The following ASB18 variants were observed in gnomAD, a reference collection of about 807,000 sequenced individuals.
ASB18 encodes the protein ankyrin repeat and SOCS box containing 18, also known as ankyrin repeat and SOCS box protein 18.
ASB18 carries 33 observed loss-of-function variants against 33.4 expected under a neutral mutation model. That is an observed-to-expected ratio of 0.99 (90% confidence interval 0.75 to 1.32). The LOEUF (loss-of-function observed/expected upper bound fraction) is 1.32, where lower values mean the gene tolerates loss of function less well. Among genes scored for constraint, ASB18 ranks in the 40% most tolerant of loss-of-function variants. The pLI is 0.00. For synonymous variants in ASB18, 295 were observed against 307.6 expected (o/e 0.96, Z 0.43); for missense variants, 694 against 655.5 (o/e 1.06, Z -0.64).
At position 236,217,656 on chromosome 2, in the gene ASB18, C is replaced by T. The variant is rs187204133; in HGVS notation, c.597-2790G>A. Among the ~76,000 whole-genome samples, 2 of 152,276 alleles carry T rather than the reference C, an allele frequency of 1.3e-5. No homozygotes were observed. The highest frequency in any genetic ancestry group is 2.9e-5 in the Non-Finnish European group (2 of 68,020). ...AACAAGATCATCCATTGAGGGTTTC[C>T]CGGCTGCCCTTAAATCCATTTATAT... On this transcript the variant is annotated intron_variant, in intron 3 of 5. Transcript: ENST00000409749. This position sits in a 1 kb window ranked among gnomAD's most constrained non-coding sequence, Gnocchi z 5.2.
chr2:236,250,837 C>T lies in ASB18; in HGVS notation c.206-9435G>A, dbSNP rs2060665483. On this transcript the variant is annotated intron_variant, in intron 1 of 5. Coordinates refer to ENST00000409749, the MANE Select transcript of ASB18 (RefSeq NM_212556.4). The surrounding 1 kb of genome is among the most constrained non-coding windows in gnomAD (Gnocchi z 4.1). ...GACACATCCATCCACCAGAGTTAGT[C>T]ACATAGACATTAATATCAAAAATGT... 6.6e-6 allele frequency: 1 copy of T among 152,206 alleles called. No homozygotes were observed. The highest frequency in any genetic ancestry group is 1.5e-5 in the Non-Finnish European group (1 of 68,048). 9.4% of individuals were successfully genotyped at this position (152,206 alleles called of 1,614,324 possible). A position where few individuals can be genotyped will look rare whatever the true frequency, so the allele number is the denominator to read the frequency against.
At position 236,211,044 on chromosome 2, in the gene ASB18, G is replaced by C. The variant is rs1441906182; in HGVS notation, c.1101+3318C>G. 6.6e-6 allele frequency among the ~76,000 whole-genome samples: 1 copy of C among 152,216 alleles called. No individual in the cohort carries two copies. The highest frequency in any genetic ancestry group is 1.5e-5 in the Non-Finnish European group (1 of 68,030). On this transcript the variant is annotated intron_variant, in intron 4 of 5. Transcript: ENST00000409749. This position sits in a 1 kb window ranked among gnomAD's most constrained non-coding sequence, Gnocchi z 5.0. ...TTCACAGATTCGTATTCCAGGTAAG[G>C]AGAGGCTGAAGGAGAGAGACCCCTG...
At position 236,211,399 on chromosome 2, in the gene ASB18, A is replaced by C. The variant is rs2060457926; in HGVS notation, c.1101+2963T>G. 6.6e-6 allele frequency among the ~76,000 whole-genome samples: 1 copy of C among 152,260 alleles called. No homozygotes were observed. The highest frequency in any genetic ancestry group is 2.1e-4 in the South Asian group (1 of 4,834). On this transcript the variant is annotated intron_variant, in intron 4 of 5. Coordinates refer to ENST00000409749, the MANE Select transcript of ASB18 (RefSeq NM_212556.4). The surrounding 1 kb of genome is among the most constrained non-coding windows in gnomAD (Gnocchi z 5.0). ...CTGCAGAGCACTGCGCCGGCTCGGAAGGATGCCCTGTGTCCGCCTGCCGCG... is the reference window on the plus strand; with the variant it reads ...CTGCAGAGCACTGCGCCGGCTCGGACGGATGCCCTGTGTCCGCCTGCCGCG...
chr2:236,209,222 T>G lies in ASB18; in HGVS notation c.1101+5140A>C, dbSNP rs2060447844. ...AGGTCTCCATTTTCAGTATGGTTAGTGCCCAGAAGCTGAGACAAGACCAGA... is the reference window on the plus strand; with the variant it reads ...AGGTCTCCATTTTCAGTATGGTTAGGGCCCAGAAGCTGAGACAAGACCAGA... On this transcript the variant is annotated intron_variant, in intron 4 of 5. Transcript: ENST00000409749. The surrounding 1 kb of genome is among the most constrained non-coding windows in gnomAD (Gnocchi z 4.4). 6.6e-6 allele frequency among the ~76,000 whole-genome samples: 1 copy of G among 151,718 alleles called. No individual in the cohort carries two copies. The highest frequency in any genetic ancestry group is 2.4e-5 in the African/African-American group (1 of 41,298).
Position 236,226,921 on chromosome 2 carries a change from A to G in ASB18, c.596+10768T>C, listed in dbSNP as rs751873031. Among the ~76,000 whole-genome samples, 11 of 152,218 alleles carry G rather than the reference A, an allele frequency of 7.2e-5. No homozygotes were observed. Among genetic ancestry groups the G allele is most frequent in the Non-Finnish European group, 1.2e-4 (8 of 68,036 alleles). Reference sequence around the variant, plus strand: ...GAATACGCTTCACCCAGCTTCCCCTAAAGTTAATATCTAATATTATTATGG... The same window carrying G: ...GAATACGCTTCACCCAGCTTCCCCTGAAGTTAATATCTAATATTATTATGG... On this transcript the variant is annotated intron_variant, in intron 3 of 5. Coordinates refer to ENST00000409749, the MANE Select transcript of ASB18 (RefSeq NM_212556.4). This position sits in a 1 kb window ranked among gnomAD's most constrained non-coding sequence, Gnocchi z 4.8.
intron 3 of ASB18, among the ~76,000 whole-genome samples, chr2:236,236,967 G>A (rs1156911655): frequency 6.6e-6 from 1 of 152,140 alleles, no homozygotes; most frequent in Non-Finnish European, 1.5e-5. Flanking sequence ...AAGACAGGTG[G>A]CCCCGCTGCC....
In ASB18 at chr2:236,241,407, G is replaced by A. The variant is rs980857244; in HGVS notation, c.206-5C>T. On this transcript the variant is annotated splice_polypyrimidine_tract_variant and splice_region_variant and intron_variant, in intron 1 of 5. Coordinates refer to ENST00000409749, the MANE Select transcript of ASB18 (RefSeq NM_212556.4). The surrounding 1 kb of genome is among the most constrained non-coding windows in gnomAD (Gnocchi z 4.2). ...GCTTCAGATGGTCGAGGTCCCCTGC[G>A]ACCAGGGCAGTGTGGTACTCCTGCA... The A allele has an allele frequency of 4.3e-6, 7 of 1,613,814 alleles. No homozygotes were observed. In the African/African-American group the frequency reaches 6.7e-5, roughly 15 times the overall value.
chr2:236,241,227 A>C lies in ASB18; in HGVS notation c.328+53T>G. On this transcript the variant is annotated intron_variant, in intron 2 of 5. Transcript: ENST00000409749. The surrounding 1 kb of genome is among the most constrained non-coding windows in gnomAD (Gnocchi z 4.2). ...ACACGGGAGCCTTACACTCCCAGAG[A>C]GTATTAGTAGCCCCTTAAAAATAAA... 6.3e-7 allele frequency: 1 copy of C among 1,584,898 alleles called. No homozygotes were observed. The highest frequency in any genetic ancestry group is 8.6e-7 in the Non-Finnish European group (1 of 1,156,540).
Position 236,214,499 on chromosome 2 carries a change from G to C in ASB18, c.964C>G (p.Leu322Val). 6.7e-7 allele frequency: 1 copy of C among 1,497,096 alleles called. No homozygotes were observed. The highest frequency in any genetic ancestry group is 8.8e-7 in the Non-Finnish European group (1 of 1,132,442). The allele number at this position is 1,497,096 out of a possible 1,614,324, so 92.7% of individuals were successfully genotyped here. ...LLRHGADAGALDYGGASPLGR... is the reference protein window; with the variant it reads ...LLRHGADAGAVDYGGASPLGR... ...AGCGGCGAGGCCCCGCCATAGTCGAGCGCGCCCGCGTCGGCGCCGTGCCGC... is the reference window on the plus strand; with the variant it reads ...AGCGGCGAGGCCCCGCCATAGTCGACCGCGCCCGCGTCGGCGCCGTGCCGC... The change falls in exon 4 of 6, where the codon CTC becomes GTC. Residue 322 changes from leucine (L) to valine (V), a missense_variant. Transcript: ENST00000409749. This position sits in a 1 kb window ranked among gnomAD's most constrained non-coding sequence, Gnocchi z 6.5.
chr2:236,198,666 C>T (rs1476041605), intron 4 of ASB18, among the ~76,000 whole-genome samples: 2 of 152,102 alleles, frequency 1.3e-5, no homozygotes, highest in Non-Finnish European at 2.9e-5. Flanking sequence ...GTGCCCAGCC[C>T]AATATGGACT....
Position 236,210,184 on chromosome 2 carries a change from G to A in ASB18, c.1101+4178C>T, listed in dbSNP as rs373921485. On this transcript the variant is annotated intron_variant, in intron 4 of 5. Coordinates refer to ENST00000409749, the MANE Select transcript of ASB18 (RefSeq NM_212556.4). Reference sequence around the variant, plus strand: ...GCTCCTGCTCCTCACTGTGACTCCAGTACCAAGCACCCAAGTTCCCCCAAA... The same window carrying A: ...GCTCCTGCTCCTCACTGTGACTCCAATACCAAGCACCCAAGTTCCCCCAAA... 3.9e-5 allele frequency among the ~76,000 whole-genome samples: 6 copies of A among 152,296 alleles called. No individual in the cohort carries two copies. The East Asian group carries it at 5.8e-4, about 15-fold the overall frequency.
intron 4 of ASB18, among the ~76,000 whole-genome samples, chr2:236,197,455 C>T (rs891166035): frequency 1.3e-5 from 2 of 152,196 alleles, no homozygotes; most frequent in Non-Finnish European, 2.9e-5. Context: ...CACTGTGGGG[C>T]TTTTGCTGAT....
In ASB18 at chr2:236,259,358, C is replaced by A. The variant is rs190544757; in HGVS notation, c.205+4783G>T. On this transcript the variant is annotated intron_variant, in intron 1 of 5. Transcript: ENST00000409749. The surrounding 1 kb of genome is among the most constrained non-coding windows in gnomAD (Gnocchi z 4.4). ...CAGGGTTAATACCCTGTGCTAGGCT[C>A]TGGATATAATCGAGTGTTAGGCGAG... 1.4e-3 allele frequency: 515 copies of A among 371,908 alleles called. 1 individual carries two copies. The highest frequency in any genetic ancestry group is 4.7e-3 in the Admixed American group (156 of 33,336). 23.0% of individuals were successfully genotyped at this position (371,908 alleles called of 1,614,324 possible).
At chr2:236,261,395 C>T (rs920551434) in intron 1 of ASB18, among the ~76,000 whole-genome samples, 1 of 152,158 alleles carries the variant, frequency 6.6e-6, no homozygotes, top group African/African-American at 2.4e-5. Flanking sequence ...CCTTTCTCTG[C>T]CTCCTTCAAA....
In ASB18 at chr2:236,208,882, G is replaced by GCA. The variant is rs1450845137; in HGVS notation, c.1101+5478_1101+5479dup. 6.6e-6 allele frequency among the ~76,000 whole-genome samples: 1 copy of GCA among 152,108 alleles called. No homozygotes were observed. The highest frequency in any genetic ancestry group is 2.4e-5 in the African/African-American group (1 of 41,402). On this transcript the variant is annotated intron_variant, in intron 4 of 5. Coordinates refer to ENST00000409749, the MANE Select transcript of ASB18 (RefSeq NM_212556.4). The surrounding 1 kb of genome is among the most constrained non-coding windows in gnomAD (Gnocchi z 7.7). The stretch of plus-strand genomic sequence containing the variant: ...ACATGCTGATGTCATTAGTGTCCAC[G>GCA]CACACCACACTCTCTTCAGCTAATG...
At position 236,238,040 on chromosome 2, in the gene ASB18, G is replaced by A. The variant is rs898354034; in HGVS notation, c.329-84C>T. ...CGGTGTTCCTTAAGGCGGAAAGAAAGTGAAGCCGTCTCTTAAAGGTAGGTA... is the reference window on the plus strand; with the variant it reads ...CGGTGTTCCTTAAGGCGGAAAGAAAATGAAGCCGTCTCTTAAAGGTAGGTA... On this transcript the variant is annotated intron_variant, in intron 2 of 5. Transcript: ENST00000409749. This position sits in a 1 kb window ranked among gnomAD's most constrained non-coding sequence, Gnocchi z 5.2. The A allele has an allele frequency of 8.2e-7, 1 of 1,226,026 alleles. No individual in the cohort carries two copies. Among genetic ancestry groups the A allele is most frequent in the South Asian group, 1.8e-5 (1 of 55,028 alleles). The allele number at this position is 1,226,026 out of a possible 1,614,324, so 75.9% of individuals were successfully genotyped here. A position where few individuals can be genotyped will look rare whatever the true frequency, so the allele number is the denominator to read the frequency against.
At position 236,213,816 on chromosome 2, in the gene ASB18, T is replaced by C. The variant is rs2060469588; in HGVS notation, c.1101+546A>G. On this transcript the variant is annotated intron_variant, in intron 4 of 5. Coordinates refer to ENST00000409749, the MANE Select transcript of ASB18 (RefSeq NM_212556.4). This position sits in a 1 kb window ranked among gnomAD's most constrained non-coding sequence, Gnocchi z 4.8. ...AGGTAGAGGGAGAATATCACCTGCCTCTCGTGTTTCACTGCAATGTGGTGA... is the reference window on the plus strand; with the variant it reads ...AGGTAGAGGGAGAATATCACCTGCCCCTCGTGTTTCACTGCAATGTGGTGA... 6.5e-6 allele frequency: 1 copy of C among 154,842 alleles called. No individual in the cohort carries two copies. Among genetic ancestry groups the C allele is most frequent in the Admixed American group, 6.3e-5 (1 of 15,850 alleles). 9.6% of individuals were successfully genotyped at this position (154,842 alleles called of 1,614,324 possible).
rs2060612913 is a variant in ASB18 at position 236,239,777 on chromosome 2, T to C, written c.328+1503A>G. 6.6e-6 allele frequency among the ~76,000 whole-genome samples: 1 copy of C among 152,180 alleles called. No individual in the cohort carries two copies. The highest frequency in any genetic ancestry group is 1.5e-5 in the Non-Finnish European group (1 of 68,028). ...AATTGGCCACCGGGAAGTCTTTTCATGGGAGAGCACATGGGGCCACTGCTT... is the reference window on the plus strand; with the variant it reads ...AATTGGCCACCGGGAAGTCTTTTCACGGGAGAGCACATGGGGCCACTGCTT... On this transcript the variant is annotated intron_variant, in intron 2 of 5. Coordinates refer to ENST00000409749, the MANE Select transcript of ASB18 (RefSeq NM_212556.4). This position sits in a 1 kb window ranked among gnomAD's most constrained non-coding sequence, Gnocchi z 5.6.
In ASB18 at chr2:236,226,867, G is replaced by A. The variant is rs923106655; in HGVS notation, c.596+10822C>T. Among the ~76,000 whole-genome samples the A allele has an allele frequency of 6.6e-6, 1 of 152,092 alleles. No homozygotes were observed. The highest frequency in any genetic ancestry group is 1.5e-5 in the Non-Finnish European group (1 of 68,032). ...TTTAAATTATTTTAGATTTTCAGAGGAGTTGCAAAGATAGCATAGAGAGTT... is the reference window on the plus strand; with the variant it reads ...TTTAAATTATTTTAGATTTTCAGAGAAGTTGCAAAGATAGCATAGAGAGTT... On this transcript the variant is annotated intron_variant, in intron 3 of 5. Transcript: ENST00000409749. This position sits in a 1 kb window ranked among gnomAD's most constrained non-coding sequence, Gnocchi z 4.8.
Sources: gnomAD v4.1 joint callset for allele counts (sites outside exome capture counted in the v4.1 genomes callset) on GRCh38, gnomAD v4.1.1 for gene constraint, Gnocchi (gnomAD v3.1) non-coding constraint, MANE v1.5 for transcripts, NCBI Gene and HGNC (gene_info 2026-07-23, HGNC 2026-07-21) for gene names.